TECRL: variants seen among roughly 807,000 people sequenced by gnomAD.
TECRL encodes the protein trans-2,3-enoyl-CoA reductase like.
A neutral mutation model predicts 52.8 loss-of-function variants in TECRL; 63 were observed. That is an observed-to-expected ratio of 1.19 (90% CI 0.97 to 1.47). TECRL has a LOEUF of 1.47. Among genes scored for constraint, TECRL ranks in the 40% most tolerant of loss-of-function variants. TECRL has a pLI of 0.00. For missense variants in TECRL, 482 were observed against 429.6 expected (o/e 1.12, Z -1.08); for synonymous variants, 164 against 141.9 (o/e 1.16, Z -1.10).
rs145939555 is a variant in TECRL at position 64,408,577 on chromosome 4, G to A, written c.234+541C>T. Among the ~76,000 whole-genome samples, 16 of 151,972 alleles carry A rather than the reference G, an allele frequency of 1.1e-4. No individual in the cohort carries two copies. In the East Asian group the frequency reaches 2.5e-3, roughly 24 times the overall value. On this transcript the variant is annotated intron_variant, in intron 1 of 11. Transcript: ENST00000381210. ...CATGAACTTAAATAGTGTTTTTGAA[G>A]CAAGTAAACTTTCATAAAAAGTGAG...
At chr4:64,345,310 A>C (rs1220917454) in intron 2 of TECRL, among the ~76,000 whole-genome samples, 1 of 152,174 alleles carries the variant, frequency 6.6e-6, no homozygotes, top group African/African-American at 2.4e-5. Flanking sequence ...CCAAATGTCC[A>C]ACAATGATAG....
chr4:64,399,472 G>T lies in TECRL; in HGVS notation c.234+9646C>A, dbSNP rs910671958. 6.6e-5 allele frequency among the ~76,000 whole-genome samples: 10 copies of T among 152,300 alleles called. 1 individual carries two copies. Among genetic ancestry groups the T allele is most frequent in the African/African-American group, 2.4e-4 (10 of 41,556 alleles). ...AGAAATTTGTGTAACTAAGAAGAAGGCAAGTGCTGATAGCCAAGACAATGA... is the reference window on the plus strand; with the variant it reads ...AGAAATTTGTGTAACTAAGAAGAAGTCAAGTGCTGATAGCCAAGACAATGA... On this transcript the variant is annotated intron_variant, in intron 1 of 11. Transcript: ENST00000381210.
chr4:64,295,267 ATAT>A (rs1723615272), intron 8 of TECRL, among the ~76,000 whole-genome samples: 1 of 151,484 alleles, frequency 6.6e-6, no homozygotes, highest in African/African-American at 2.4e-5. Context: ...TATTGCATTT[ATAT>A]TATTACATAA....
intron 2 of TECRL, among the ~76,000 whole-genome samples, chr4:64,340,385 C>A (rs1403917018): frequency 6.6e-6 from 1 of 152,232 alleles, no homozygotes; most frequent in Non-Finnish European, 1.5e-5. Flanking sequence ...GCCCCGCTGC[C>A]TTCACAGGGT....
intron 2 of TECRL, among the ~76,000 whole-genome samples, chr4:64,344,544 T>C (rs1719814107): frequency 6.6e-6 from 1 of 152,194 alleles, no homozygotes; most frequent in South Asian, 2.1e-4. Flanking sequence ...TTGCTTACTA[T>C]TCAAATGCAC....
chr4:64,392,698 T>A (rs531462341), intron 1 of TECRL, among the ~76,000 whole-genome samples: 254 of 152,142 alleles, frequency 1.7e-3, no homozygotes, highest in Middle Eastern at 3.4e-3. Context: ...AACTCTTCTC[T>A]CCTGAAATGT....
At chr4:64,333,260 A>G (rs1718776572) in intron 2 of TECRL, among the ~76,000 whole-genome samples, 1 of 152,130 alleles carries the variant, frequency 6.6e-6, no homozygotes, top group Non-Finnish European at 1.5e-5. Flanking sequence ...AAAGAGCAAT[A>G]TAAGATATTG....
chr4:64,350,100 C>T (rs1364475215), intron 2 of TECRL, among the ~76,000 whole-genome samples: 2 of 80,180 alleles, frequency 2.5e-5, no homozygotes, highest in African/African-American at 6.5e-5. Context: ...CAGTGCTGGG[C>T]ATTTACTTAA....
In TECRL at chr4:64,334,030, C is replaced by CAAAAAAAAAAAAAAAAAAAA. The variant is rs4034910; in HGVS notation, c.287-5475_287-5474insTTTTTTTTTTTTTTTTTTTT. ...TGGGCGACAGAGCGAGACTCCGTCTCAAAAAAAAAAAAAAAAAAAGAAAAA... is the reference window on the plus strand; with the variant it reads ...TGGGCGACAGAGCGAGACTCCGTCTCAAAAAAAAAAAAAAAAAAAAAAAAAAAAAAAAAAAAAAAGAAAAA... On this transcript the variant is annotated intron_variant, in intron 2 of 11. Coordinates refer to ENST00000381210, the MANE Select transcript of TECRL (RefSeq NM_001010874.5). Among the ~76,000 whole-genome samples the CAAAAAAAAAAAAAAAAAAAA allele has an allele frequency of 6.0e-3, 168 of 27,972 alleles. 10 individuals carry two copies. Among genetic ancestry groups the CAAAAAAAAAAAAAAAAAAAA allele is most frequent in the Non-Finnish European group, 0.011 (123 of 11,536 alleles). The allele number at this position is 27,972 out of a possible 152,430, so 18.4% of individuals were successfully genotyped here. A position where few individuals can be genotyped will look rare whatever the true frequency, so the allele number is the denominator to read the frequency against.
At chr4:64,289,812 A>G (rs1723279384) in intron 8 of TECRL, 45 bp from the exon 9 acceptor site, 2 of 1,290,108 alleles carry the variant, frequency 1.6e-6, no homozygotes, top group East Asian at 2.8e-5. Flanking sequence ...ACCTCTGCCT[A>G]TTTTTTAAAA....
chr4:64,385,610 G>T (rs527751318), intron 1 of TECRL, among the ~76,000 whole-genome samples: 17 of 152,176 alleles, frequency 1.1e-4, no homozygotes, highest in African/African-American at 3.4e-4. Flanking sequence ...ATGTCAGTGG[G>T]GCTCTAGGAA....
At chr4:64,344,080 C>T (rs1719775295) in intron 2 of TECRL, among the ~76,000 whole-genome samples, 1 of 152,048 alleles carries the variant, frequency 6.6e-6, no homozygotes, top group African/African-American at 2.4e-5. Context: ...AGCTAGGTTA[C>T]CATTTGCATT....
chr4:64,343,367 T>C (rs1041181398), intron 2 of TECRL, among the ~76,000 whole-genome samples: 1 of 152,144 alleles, frequency 6.6e-6, no homozygotes, highest in African/African-American at 2.4e-5. Flanking sequence ...TTCCACATCA[T>C]ACTGATACCA....
At chr4:64,300,645 C>A (rs1313739379) in intron 7 of TECRL, among the ~76,000 whole-genome samples, 1 of 150,806 alleles carries the variant, frequency 6.6e-6, no homozygotes, top group Non-Finnish European at 1.5e-5. Context: ...ATTTGATAAA[C>A]CTATCATCAT....
At chr4:64,336,814 A>G (rs916132601) in intron 2 of TECRL, among the ~76,000 whole-genome samples, 1 of 152,126 alleles carries the variant, frequency 6.6e-6, no homozygotes, top group Non-Finnish European at 1.5e-5. Context: ...ATAGTTGAGC[A>G]GTTTTGAGTG....
chr4:64,395,020 C>A (rs1401897025), intron 1 of TECRL, among the ~76,000 whole-genome samples: 1 of 143,542 alleles, frequency 7.0e-6, no homozygotes, highest in Non-Finnish European at 1.5e-5. Context: ...TCAAATGATT[C>A]TTCTGCCTCA....
chr4:64,293,773 CAATT>C (rs1283817613), intron 8 of TECRL, among the ~76,000 whole-genome samples: 1 of 151,814 alleles, frequency 6.6e-6, no homozygotes, highest in Non-Finnish European at 1.5e-5. Flanking sequence ...TGGTAGCCAT[CAATT>C]AGTCAGGCTC....
chr4:64,362,326 A>G (rs1025268586), intron 2 of TECRL, among the ~76,000 whole-genome samples: 4 of 152,068 alleles, frequency 2.6e-5, no homozygotes, highest in Non-Finnish European at 5.9e-5. Flanking sequence ...AAAGGTCCAC[A>G]TGCAAATTCA....
At chr4:64,366,184 G>A (rs1721587437) in intron 2 of TECRL, among the ~76,000 whole-genome samples, 1 of 152,112 alleles carries the variant, frequency 6.6e-6, no homozygotes, top group Non-Finnish European at 1.5e-5. Context: ...CTAGCTACAT[G>A]CAGAAGATTG....
Sources: allele counts gnomAD v4.1 joint callset (sites outside exome capture counted in the v4.1 genomes callset), GRCh38; gene constraint gnomAD v4.1.1; transcripts MANE v1.5; gene names NCBI Gene and HGNC (gene_info 2026-07-23, HGNC 2026-07-21).